The following DMRT1 variants were observed in gnomAD, a reference collection of about 807,000 sequenced individuals.
The protein encoded by DMRT1 is doublesex- and mab-3-related transcription factor 1.
A neutral mutation model predicts 32.3 loss-of-function variants in DMRT1; 7 were observed. The observed-to-expected ratio is 0.22, with a 90% CI of 0.12 to 0.41. The LOEUF is 0.41. DMRT1 is among the 10% of genes least tolerant of loss of function. DMRT1 has a pLI of 1.00. For synonymous variants in DMRT1, 278 were observed against 206.1 expected (o/e 1.35, Z -2.99); for missense variants, 625 against 500.5 (o/e 1.25, Z -2.37).
chr9:866,946 T>G (rs2132596383), intron 2 of DMRT1, among the ~76,000 whole-genome samples: 1 of 152,240 alleles, frequency 6.6e-6, no homozygotes, highest in Non-Finnish European at 1.5e-5. Flanking sequence ...GTTGTTAGCT[T>G]TGGGTGTGCT....
intron 4 of DMRT1, among the ~76,000 whole-genome samples, chr9:954,793 C>A (rs1384322900): frequency 6.6e-6 from 1 of 151,838 alleles, no homozygotes; most frequent in Non-Finnish European, 1.5e-5. Context: ...AGGTGCGTGC[C>A]ACCACGCCCA....
chr9:914,504 G>A (rs939766861), intron 3 of DMRT1, among the ~76,000 whole-genome samples: 3 of 150,230 alleles, frequency 2.0e-5, no homozygotes, highest in Non-Finnish European at 4.4e-5. Flanking sequence ...AACCTGGGAG[G>A]CGGAGCTTGC....
intron 3 of DMRT1, among the ~76,000 whole-genome samples, chr9:912,280 G>A (rs771294226): frequency 2.6e-5 from 4 of 152,198 alleles, no homozygotes; most frequent in Non-Finnish European, 4.4e-5. Flanking sequence ...TCTTTGACAC[G>A]TGGAGATTAC....
intron 3 of DMRT1, among the ~76,000 whole-genome samples, chr9:905,085 T>C (rs1817721271): frequency 2.6e-5 from 4 of 152,192 alleles, no homozygotes; most frequent in Admixed American, 2.6e-4. Flanking sequence ...TGATCACAAC[T>C]ATTGTTTAGA....
chr9:855,830 G>C (rs1815376069), intron 2 of DMRT1, among the ~76,000 whole-genome samples: 1 of 152,132 alleles, frequency 6.6e-6, no homozygotes, highest in Non-Finnish European at 1.5e-5. Context: ...TGTTGCCTAG[G>C]CTGGTCTCAA....
At chr9:907,170 G>A (rs1197295752) in intron 3 of DMRT1, among the ~76,000 whole-genome samples, 2 of 152,208 alleles carry the variant, frequency 1.3e-5, no homozygotes, top group Non-Finnish European at 2.9e-5. Flanking sequence ...CTGGACATGT[G>A]AGAGAGTGGA....
chr9:949,225 G>C (rs1210809170), intron 4 of DMRT1, among the ~76,000 whole-genome samples: 3 of 152,022 alleles, frequency 2.0e-5, no homozygotes, highest in Non-Finnish European at 4.4e-5. Flanking sequence ...CAATTAGCTG[G>C]CATGGTGACG....
At position 873,765 on chromosome 9, in the gene DMRT1, A is replaced by T. The variant is rs542771509; in HGVS notation, c.539-20147A>T. 5.3e-5 allele frequency among the ~76,000 whole-genome samples: 8 copies of T among 152,324 alleles called. No homozygotes were observed. The South Asian group carries it at 1.7e-3, about 32-fold the overall frequency. ...TAATAACTGGGGGAATGGCCTTCTA[A>T]TACCTTTTAAGTATTGTATTGTCCA... On this transcript the variant is annotated intron_variant, in intron 2 of 4. Transcript: ENST00000382276.
chr9:849,264 T>C (rs1672517860), intron 2 of DMRT1, among the ~76,000 whole-genome samples: 1 of 152,160 alleles, frequency 6.6e-6, no homozygotes, highest in African/African-American at 2.4e-5. Context: ...CCATGTTTCC[T>C]TGGAAAATGG....
rs543977612 is a variant in DMRT1 at position 871,425 on chromosome 9, C to T, written c.539-22487C>T. ...TCGGCTCACTGCAAGCTCCGCGTCC[C>T]GGGTTCACGCCATTCTCCTGCCTCA... On this transcript the variant is annotated intron_variant, in intron 2 of 4. Transcript: ENST00000382276. Among the ~76,000 whole-genome samples the T allele has an allele frequency of 3.6e-4, 55 of 151,276 alleles. No homozygotes were observed. In the South Asian group the frequency reaches 6.3e-3, roughly 17 times the overall value.
intron 3 of DMRT1, among the ~76,000 whole-genome samples, chr9:909,835 C>T (rs1817909448): frequency 6.6e-6 from 1 of 152,114 alleles, no homozygotes; most frequent in Non-Finnish European, 1.5e-5. Flanking sequence ...ACATCAGCCT[C>T]CTGAGTAGCT....
chr9:846,503 C>T (rs764564844), intron 1 of DMRT1, among the ~76,000 whole-genome samples: 12 of 152,290 alleles, frequency 7.9e-5, no homozygotes, highest in African/African-American at 1.4e-4. Context: ...GATTGTACTC[C>T]TCCCCTTGGC....
In DMRT1 at chr9:894,112, C is replaced by A. The variant is rs1368766131; in HGVS notation, c.739C>A (p.Pro247Thr). The change falls in exon 3 of 5, where the codon CCC (proline) becomes ACC (threonine). Residue 247 changes from proline (P) to threonine (T), a missense_variant. This residue lies in a region of DMRT1 where 416 missense variants were observed against 321.6 expected (regional missense o/e 1.29). Transcript: ENST00000382276. Reference sequence around the variant, plus strand: ...TTCTGCTTCTGGGGAGGTGGGAAATCCCCTCGGGGGATCCCCTGTGAAGAA... The same window carrying A: ...TTCTGCTTCTGGGGAGGTGGGAAATACCCTCGGGGGATCCCCTGTGAAGAA... ...ADSASGEVGN[P>T]LGGSPVKNSL... 2 of 1,614,112 alleles carry A rather than the reference C, an allele frequency of 1.2e-6. No homozygotes were observed. Among genetic ancestry groups the A allele is most frequent in the East Asian group, 2.2e-5 (1 of 44,892 alleles).
intron 4 of DMRT1, among the ~76,000 whole-genome samples, chr9:953,640 T>G (rs1819503124): frequency 2.6e-5 from 4 of 152,202 alleles, no homozygotes; most frequent in Non-Finnish European, 5.9e-5. Flanking sequence ...TTAAGCTGCT[T>G]CTTAGTTTTC....
At chr9:875,830 T>G (rs1458754552) in intron 2 of DMRT1, among the ~76,000 whole-genome samples, 2 of 152,168 alleles carry the variant, frequency 1.3e-5, no homozygotes, top group Non-Finnish European at 2.9e-5. Context: ...CACACACATA[T>G]ATATTTACGC....
At position 861,830 on chromosome 9, in the gene DMRT1, C is replaced by T. The variant is rs187187825; in HGVS notation, c.538+14687C>T. On this transcript the variant is annotated intron_variant, in intron 2 of 4. Coordinates refer to ENST00000382276, the MANE Select transcript of DMRT1 (RefSeq NM_021951.3). ...CGGGGGGGGGCTCCTTCAGACGGGG[C>T]GGCCGGTCAGAGACGCTCCTCACCT... 5.1e-3 allele frequency among the ~76,000 whole-genome samples: 729 copies of T among 143,930 alleles called. 14 individuals carry two copies. The highest frequency in any genetic ancestry group is 0.018 in the African/African-American group (683 of 38,488). 94.4% of individuals were successfully genotyped at this position (143,930 alleles called of 152,430 possible). A position where few individuals can be genotyped will look rare whatever the true frequency, so the allele number is the denominator to read the frequency against.
intron 4 of DMRT1, among the ~76,000 whole-genome samples, chr9:933,738 T>A (rs1007590107): frequency 1.3e-5 from 2 of 152,250 alleles, no homozygotes; most frequent in African/African-American, 4.8e-5. Context: ...AGGCTAGTTA[T>A]ATCGTATTGG....
At chr9:928,593 A>G (rs1818605436) in intron 4 of DMRT1, among the ~76,000 whole-genome samples, 1 of 152,214 alleles carries the variant, frequency 6.6e-6, no homozygotes, top group Admixed American at 6.5e-5. Context: ...TAGAGGAGCC[A>G]GAAGCTTTCC....
At chr9:845,273 G>A (rs1242362518) in intron 1 of DMRT1, among the ~76,000 whole-genome samples, 4 of 151,810 alleles carry the variant, frequency 2.6e-5, no homozygotes, top group African/African-American at 7.3e-5. Flanking sequence ...GCAGTGGCTC[G>A]ATTTCGGCTC....
Sources: allele counts gnomAD v4.1 joint callset (sites outside exome capture counted in the v4.1 genomes callset), GRCh38; gene constraint gnomAD v4.1.1; regional missense constraint gnomAD v4.1.1; transcripts MANE v1.5; gene names NCBI Gene and HGNC (gene_info 2026-07-23, HGNC 2026-07-21).